Variants in SH3RF3 observed in about 807,000 individuals in gnomAD.
SH3RF3 encodes the protein E3 ubiquitin-protein ligase SH3RF3.
Under a neutral mutation model 66.3 loss-of-function variants are expected in SH3RF3, and 29 were observed. The observed-to-expected ratio is 0.44, with a 90% confidence interval of 0.33 to 0.60. The LOEUF is 0.60. Among genes scored for constraint, SH3RF3 ranks in the 20% least tolerant of loss-of-function variants. The pLI is 0.04. For synonymous variants in SH3RF3, 583 were observed against 532.0 expected (o/e 1.10, Z -1.32); for missense variants, 1,194 against 1,190.9 (o/e 1.00, Z -0.04).
intron 5 of SH3RF3, among the ~76,000 whole-genome samples, chr2:109,424,445 G>A (rs955336864): frequency 1.4e-4 from 21 of 151,730 alleles, no homozygotes; most frequent in South Asian, 4.2e-4. Flanking sequence ...TCATTTCATC[G>A]CACTTCACTT....
intron 8 of SH3RF3, among the ~76,000 whole-genome samples, chr2:109,484,167 A>T (rs1448819333): frequency 6.6e-6 from 1 of 151,190 alleles, no homozygotes; most frequent in Non-Finnish European, 1.5e-5. Flanking sequence ...TCTGGGTTCA[A>T]GCGATTCTCC....
At chr2:109,164,324 C>T (rs1375274391) in intron 1 of SH3RF3, among the ~76,000 whole-genome samples, 3 of 152,172 alleles carry the variant, frequency 2.0e-5, no homozygotes, top group East Asian at 3.9e-4. Flanking sequence ...GCTAGGACTA[C>T]AGCACAGGCT....
intron 5 of SH3RF3, among the ~76,000 whole-genome samples, chr2:109,429,169 C>T (rs1677120543): frequency 6.6e-6 from 1 of 152,148 alleles, no homozygotes; most frequent in Admixed American, 6.5e-5. Flanking sequence ...GTGGTCCCTC[C>T]AAGGCCTCCT....
chr2:109,502,289 G>GT lies in SH3RF3; in HGVS notation c.*620dup, dbSNP rs1243671061. 1 of 152,172 alleles carries GT rather than the reference G, an allele frequency of 6.6e-6. No homozygotes were observed. Among genetic ancestry groups the GT allele is most frequent in the Admixed American group, 6.5e-5 (1 of 15,282 alleles). The allele number at this position is 152,172 out of a possible 1,614,324, so 9.4% of individuals were successfully genotyped here. ...GCCAGTAGTATAAGCAACACTTTCT[G>GT]TTCACCACCATTGTCCCTTGCATTA... On this transcript the variant is annotated 3_prime_UTR_variant, in exon 10 of 10. Coordinates refer to ENST00000309415, the MANE Select transcript of SH3RF3 (RefSeq NM_001099289.3).
intron 1 of SH3RF3, among the ~76,000 whole-genome samples, chr2:109,346,975 G>A (rs1040683466): frequency 9.2e-5 from 14 of 152,186 alleles, no homozygotes; most frequent in Admixed American, 7.9e-4. Context: ...CCTGCTCCTG[G>A]GCATGGCCCC....
rs1679455970 is a variant in SH3RF3, at chr2:109,503,743, T to TA, written c.*2074dup. Reference sequence around the variant, plus strand: ...GGTAACTTTTTTGAAGTCTTTTTTTTAAGGCGCGCAGGTACCAAGCAACAG... The same window carrying TA: ...GGTAACTTTTTTGAAGTCTTTTTTTTAAAGGCGCGCAGGTACCAAGCAACAG... On this transcript the variant is annotated 3_prime_UTR_variant, in exon 10 of 10. Transcript: ENST00000309415. 1 of 152,168 alleles carries TA rather than the reference T, an allele frequency of 6.6e-6. No individual in the cohort carries two copies. Among genetic ancestry groups the TA allele is most frequent in the Non-Finnish European group, 1.5e-5 (1 of 68,036 alleles). 9.4% of individuals were successfully genotyped at this position (152,168 alleles called of 1,614,324 possible).
chr2:109,186,083 C>G (rs887366337), intron 1 of SH3RF3, among the ~76,000 whole-genome samples: 3 of 152,178 alleles, frequency 2.0e-5, no homozygotes. Context: ...TTGTACATTC[C>G]CAGGGTGATT....
intron 1 of SH3RF3, among the ~76,000 whole-genome samples, chr2:109,241,316 C>T (rs532919069): frequency 1.9e-4 from 29 of 152,056 alleles, no homozygotes; most frequent in Admixed American, 8.5e-4. Context: ...AAAAGATGGA[C>T]GGATATTGGA....
At chr2:109,419,079 G>T (rs1039798524) in intron 4 of SH3RF3, among the ~76,000 whole-genome samples, 1 of 152,170 alleles carries the variant, frequency 6.6e-6, no homozygotes, top group East Asian at 1.9e-4. Flanking sequence ...CGGTCCTCTT[G>T]GCCTGCTGCT....
intron 1 of SH3RF3, among the ~76,000 whole-genome samples, chr2:109,250,003 A>G (rs917154617): frequency 6.7e-6 from 1 of 149,840 alleles, no homozygotes; most frequent in Non-Finnish European, 1.5e-5. Context: ...TCTCTACCAA[A>G]TTTTAAGTCA....
intron 1 of SH3RF3, among the ~76,000 whole-genome samples, chr2:109,190,068 C>T (rs969797133): frequency 2.6e-5 from 4 of 152,182 alleles, no homozygotes; most frequent in African/African-American, 9.7e-5. Flanking sequence ...TTGTAATTGT[C>T]GTTGCTTTAA....
intron 1 of SH3RF3, among the ~76,000 whole-genome samples, chr2:109,344,730 T>G (rs1574586312): frequency 6.6e-6 from 1 of 151,272 alleles, no homozygotes; most frequent in East Asian, 2.0e-4. Flanking sequence ...GCAGGAGGAG[T>G]GCCCAGGCCA....
intron 4 of SH3RF3, among the ~76,000 whole-genome samples, chr2:109,406,432 T>TAATAAGC (rs1676455271): frequency 6.6e-6 from 1 of 152,096 alleles, no homozygotes; most frequent in Non-Finnish European, 1.5e-5. Flanking sequence ...CTATATCACG[T>TAATAAGC]AATAAGCAGC....
At chr2:109,184,148 GTTGCC>G (rs536778743) in intron 1 of SH3RF3, among the ~76,000 whole-genome samples, 277 of 152,318 alleles carry the variant, frequency 1.8e-3, no homozygotes, top group African/African-American at 5.7e-3. Context: ...CACTGCCCCA[GTTGCC>G]TTGGCTGGCC....
chr2:109,447,920 C>T (rs753037542), intron 7 of SH3RF3, among the ~76,000 whole-genome samples: 1 of 152,172 alleles, frequency 6.6e-6, no homozygotes, highest in Non-Finnish European at 1.5e-5. Context: ...CCTGGAAGCC[C>T]GGTGCTTCGA....
At chr2:109,360,701 T>C (rs2105623925) in intron 2 of SH3RF3, among the ~76,000 whole-genome samples, 1 of 152,378 alleles carries the variant, frequency 6.6e-6, no homozygotes, top group South Asian at 2.1e-4. Context: ...CAAGTATTAG[T>C]TCTAGAAGTT....
At chr2:109,362,063 A>T (rs1316438247) in intron 2 of SH3RF3, among the ~76,000 whole-genome samples, 1 of 151,292 alleles carries the variant, frequency 6.6e-6, no homozygotes, top group Non-Finnish European at 1.5e-5. Flanking sequence ...TATTGTTTTC[A>T]ATTTCATTGA....
chr2:109,389,935 C>T (rs982028902), intron 3 of SH3RF3, among the ~76,000 whole-genome samples: 4 of 152,172 alleles, frequency 2.6e-5, no homozygotes, highest in African/African-American at 9.7e-5. Context: ...GAATCTGTGC[C>T]AGCCACTCCT....
intron 8 of SH3RF3, among the ~76,000 whole-genome samples, chr2:109,483,562 T>G (rs997627052): frequency 6.6e-6 from 1 of 152,262 alleles, no homozygotes; most frequent in East Asian, 1.9e-4. Flanking sequence ...AAACTCATGT[T>G]GCTTCCTTTG....
Sources: gnomAD v4.1 joint callset for allele counts (sites outside exome capture counted in the v4.1 genomes callset) on GRCh38, gnomAD v4.1.1 for gene constraint, MANE v1.5 for transcripts, NCBI Gene and HGNC (gene_info 2026-07-23, HGNC 2026-07-21) for gene names.